The following LRMDA variants were observed in gnomAD, a reference collection of about 807,000 sequenced individuals.
LRMDA encodes leucine rich melanocyte differentiation associated.
LRMDA carries 18 observed loss-of-function variants against 29.8 expected under a neutral mutation model. The ratio of observed to expected loss-of-function variants is 0.60; its 90% confidence interval spans 0.42 to 0.90. The LOEUF (loss-of-function observed/expected upper bound fraction) is 0.90, where lower values mean the gene tolerates loss of function less well. Ranked by LOEUF, LRMDA falls within the 40% of genes least tolerant of loss-of-function variation. The pLI is 0.00. For synonymous variants in LRMDA, 125 were observed against 109.4 expected (o/e 1.14, Z -0.89); for missense variants, 273 against 273.9 (o/e 1.00, Z 0.02).
At chr10:75,734,824 G>A (rs187664442) in intron 2 of LRMDA, among the ~76,000 whole-genome samples, 94 of 152,304 alleles carry the variant, frequency 6.2e-4, no homozygotes, top group African/African-American at 2.2e-3. Context: ...AGAGTTTTAA[G>A]ACATGTATCA....
intron 2 of LRMDA, among the ~76,000 whole-genome samples, chr10:75,754,313 A>G (rs963846506): frequency 6.6e-6 from 1 of 152,196 alleles, no homozygotes; most frequent in Non-Finnish European, 1.5e-5. Context: ...TGTAGCCAGG[A>G]TGCCATGTTG....
intron 6 of LRMDA, among the ~76,000 whole-genome samples, chr10:76,365,779 A>ATTGCAT (rs1184332928): frequency 6.6e-6 from 1 of 152,012 alleles, no homozygotes; most frequent in African/African-American, 2.4e-5. Context: ...CTTTGTTTTT[A>ATTGCAT]TTGCATTTGC....
At chr10:76,014,844 T>C (rs1847855840) in intron 2 of LRMDA, among the ~76,000 whole-genome samples, 1 of 152,172 alleles carries the variant, frequency 6.6e-6, no homozygotes, top group African/African-American at 2.4e-5. Flanking sequence ...TTTGTCTTCA[T>C]GGGAGGCGTG....
At chr10:75,734,180 G>A (rs1168304745) in intron 2 of LRMDA, among the ~76,000 whole-genome samples, 2 of 152,140 alleles carry the variant, frequency 1.3e-5, no homozygotes, top group Admixed American at 6.5e-5. Flanking sequence ...AGTGTTATAT[G>A]TGGTTTGCCA....
chr10:76,331,489 A>G (rs1315456419), intron 6 of LRMDA, among the ~76,000 whole-genome samples: 2 of 152,244 alleles, frequency 1.3e-5, no homozygotes, highest in Non-Finnish European at 2.9e-5. Flanking sequence ...AGTTCATAGA[A>G]GCACAACAGA....
At chr10:75,563,843 C>T (rs537309638) in intron 2 of LRMDA, among the ~76,000 whole-genome samples, 5 of 151,772 alleles carry the variant, frequency 3.3e-5, no homozygotes, top group Admixed American at 6.6e-5. Flanking sequence ...TGCAGAACAG[C>T]GGATTTTCGT....
chr10:75,522,963 G>A (rs1336632145), intron 2 of LRMDA, among the ~76,000 whole-genome samples: 1 of 152,198 alleles, frequency 6.6e-6, no homozygotes, highest in Non-Finnish European at 1.5e-5. Context: ...CCTATGTGGT[G>A]AAGGAGATGG....
At chr10:75,843,892 G>A (rs956520185) in intron 2 of LRMDA, among the ~76,000 whole-genome samples, 3 of 152,170 alleles carry the variant, frequency 2.0e-5, no homozygotes, top group Non-Finnish European at 4.4e-5. Context: ...CCCAGGCTGA[G>A]GCAAAAGCTC....
chr10:76,318,025 A>G (rs1178554388), intron 5 of LRMDA, among the ~76,000 whole-genome samples: 1 of 152,180 alleles, frequency 6.6e-6, no homozygotes, highest in Non-Finnish European at 1.5e-5. Context: ...CTTTGTACTT[A>G]CAGTTGTATT....
At chr10:76,362,418 A>G (rs1027165244) in intron 6 of LRMDA, among the ~76,000 whole-genome samples, 4 of 152,254 alleles carry the variant, frequency 2.6e-5, no homozygotes, top group Non-Finnish European at 5.9e-5. Flanking sequence ...TTATTTCAAT[A>G]GTTAAATTAA....
At chr10:75,568,100 A>G (rs1443431308) in intron 2 of LRMDA, among the ~76,000 whole-genome samples, 1 of 152,236 alleles carries the variant, frequency 6.6e-6, no homozygotes, top group African/African-American at 2.4e-5. Context: ...AAGCATGACC[A>G]GAGTCACTTG....
At chr10:76,481,428 T>G (rs1842732291) in intron 6 of LRMDA, among the ~76,000 whole-genome samples, 1 of 151,922 alleles carries the variant, frequency 6.6e-6, no homozygotes, top group African/African-American at 2.4e-5. Context: ...TAGGGAGATA[T>G]AAATCTCTTG....
chr10:76,240,816 G>GTA (rs368602213), intron 5 of LRMDA, among the ~76,000 whole-genome samples: 3 of 143,304 alleles, frequency 2.1e-5, no homozygotes, highest in African/African-American at 5.1e-5. Context: ...ACATATATAT[G>GTA]TATATATATA....
At chr10:76,302,442 T>C (rs1840492783) in intron 5 of LRMDA, among the ~76,000 whole-genome samples, 2 of 152,304 alleles carry the variant, frequency 1.3e-5, no homozygotes, top group East Asian at 1.9e-4. Flanking sequence ...CTGTGAACAC[T>C]TTAGTTGTGA....
chr10:75,819,086 A>C (rs925772982), intron 2 of LRMDA, among the ~76,000 whole-genome samples: 2 of 152,262 alleles, frequency 1.3e-5, no homozygotes, highest in African/African-American at 4.8e-5. Context: ...AGTTGAAAAC[A>C]GAGGGAAAGA....
At chr10:76,014,123 T>TAATTATATATATATATATAA (rs1564630437) in intron 2 of LRMDA, among the ~76,000 whole-genome samples, 70 of 85,932 alleles carry the variant, frequency 8.1e-4, no homozygotes, top group Non-Finnish European at 1.3e-3. Flanking sequence ...TATATATATA[T>TAATTATATATATATATATAA]AATTATATAT....
At chr10:75,926,292 G>C (rs1846118846) in intron 2 of LRMDA, among the ~76,000 whole-genome samples, 1 of 152,220 alleles carries the variant, frequency 6.6e-6, no homozygotes, top group African/African-American at 2.4e-5. Flanking sequence ...CGAGTAAAAA[G>C]TGGAGCAGGG....
chr10:76,074,081 A>G (rs1210643921), intron 5 of LRMDA, among the ~76,000 whole-genome samples: 1 of 152,206 alleles, frequency 6.6e-6, no homozygotes, highest in Admixed American at 6.5e-5. Flanking sequence ...AAGAGAAAAG[A>G]AGATTACAAG....
chr10:75,971,735 C>A (rs563093114), intron 2 of LRMDA, among the ~76,000 whole-genome samples: 1 of 152,256 alleles, frequency 6.6e-6, no homozygotes, highest in Non-Finnish European at 1.5e-5. Context: ...AAGACATTAT[C>A]TTAATAAAGG....
Sources: gnomAD v4.1 joint callset for allele counts (sites outside exome capture counted in the v4.1 genomes callset) on GRCh38, gnomAD v4.1.1 for gene constraint, MANE v1.5 for transcripts, NCBI Gene and HGNC (gene_info 2026-07-23, HGNC 2026-07-21) for gene names.